PHF21B: variants seen among roughly 807,000 people sequenced by gnomAD.
PHF21B encodes the protein PHD finger protein 21B, also known as PHD finger protein 4.
PHF21B carries 22 observed loss-of-function variants against 62.2 expected under a neutral mutation model. That is an observed-to-expected ratio of 0.35 (90% CI 0.25 to 0.51). The LOEUF is 0.51. PHF21B is among the 20% of genes least tolerant of loss of function. PHF21B has a pLI of 0.97. For missense variants in PHF21B, 701 were observed against 707.9 expected, an observed-to-expected ratio of 0.99 and a Z score of 0.11; for synonymous variants, 341 against 314.7, an observed-to-expected ratio of 1.08 and a Z score of -0.88.
At chr22:44,928,044 C>T (rs2071667042) in intron 2 of PHF21B, among the ~76,000 whole-genome samples, 1 of 152,166 alleles carries the variant, frequency 6.6e-6, no homozygotes, top group African/African-American at 2.4e-5. Flanking sequence ...GCAGACCCTA[C>T]AACCTTCCAG....
At chr22:44,903,467 A>G (rs2071196473) in intron 5 of PHF21B, among the ~76,000 whole-genome samples, 1 of 151,306 alleles carries the variant, frequency 6.6e-6, no homozygotes, top group Non-Finnish European at 1.5e-5. Context: ...GAAATCCACA[A>G]AATGAAGAAA....
At chr22:44,993,523 A>T (rs1601689561) in intron 2 of PHF21B, among the ~76,000 whole-genome samples, 1 of 152,256 alleles carries the variant, frequency 6.6e-6, no homozygotes, top group African/African-American at 2.4e-5. Flanking sequence ...GGCCACAGCC[A>T]AGAACAGCGA....
At chr22:44,965,634 T>G (rs923686678) in intron 2 of PHF21B, among the ~76,000 whole-genome samples, 4 of 152,200 alleles carry the variant, frequency 2.6e-5, no homozygotes, top group Admixed American at 1.3e-4. Flanking sequence ...GCCCCCCAGG[T>G]GTTCTGGCTG....
chr22:44,901,671 C>A, intron 5 of PHF21B: 1 of 524,154 alleles, frequency 1.9e-6, no homozygotes, highest in Non-Finnish European at 3.0e-6. Context: ...AAAGGGGGAA[C>A]CTCAAAGCTA....
intron 2 of PHF21B, among the ~76,000 whole-genome samples, chr22:44,978,260 C>A (rs1370916673): frequency 1.3e-5 from 2 of 152,178 alleles, no homozygotes; most frequent in East Asian, 3.9e-4. Flanking sequence ...CAGCAGCACT[C>A]CTCACACCCA....
At chr22:45,004,306 C>T (rs2073273856) in intron 2 of PHF21B, among the ~76,000 whole-genome samples, 1 of 151,892 alleles carries the variant, frequency 6.6e-6, no homozygotes, top group Non-Finnish European at 1.5e-5. Context: ...TCACAATCTT[C>T]CAGGTAAGAG....
chr22:44,936,415 C>T (rs909332805), intron 2 of PHF21B, among the ~76,000 whole-genome samples: 29 of 152,288 alleles, frequency 1.9e-4, no homozygotes, highest in Middle Eastern at 3.4e-3. Context: ...CCCTGTATAC[C>T]GGCAGCCCTG....
At chr22:44,990,991 C>A (rs553119411) in intron 2 of PHF21B, among the ~76,000 whole-genome samples, 1 of 152,338 alleles carries the variant, frequency 6.6e-6, no homozygotes, top group Admixed American at 6.5e-5. Context: ...GCTGCCGCGG[C>A]TCCTCCACAC....
At chr22:44,998,550 C>T (rs2073159001) in intron 2 of PHF21B, among the ~76,000 whole-genome samples, 1 of 152,090 alleles carries the variant, frequency 6.6e-6, no homozygotes, top group Admixed American at 6.6e-5. Flanking sequence ...ACATCCTATG[C>T]TTTTAGCTTC....
intron 2 of PHF21B, among the ~76,000 whole-genome samples, chr22:44,936,843 CA>C (rs1345046081): frequency 4.7e-5 from 7 of 148,422 alleles, no homozygotes; most frequent in African/African-American, 1.7e-4. Context: ...TAATTTAAGA[CA>C]AAAGTTGTGG....
At chr22:44,929,088 C>T (rs148766436) in intron 2 of PHF21B, among the ~76,000 whole-genome samples, 3 of 152,366 alleles carry the variant, frequency 2.0e-5, no homozygotes, top group South Asian at 2.1e-4. Context: ...AATTGCTTCT[C>T]GAGTTGCAAT....
Position 44,882,813 on chromosome 22 carries a change from C to T in PHF21B, c.*273G>A, listed in dbSNP as rs3747222. 0.068 allele frequency: 27,693 copies of T among 407,918 alleles called. 3,553 individuals are homozygous for T. Among genetic ancestry groups the T allele is most frequent in the African/African-American group, 0.32 (15,379 of 48,562 alleles). The allele number at this position is 407,918 out of a possible 1,614,324, so 25.3% of individuals were successfully genotyped here. ...GCCTGGAAGCCAGAGGCCCAGGCAGCCCCGAGGTGGCCGGGGGGAGACTGT... is the reference window on the plus strand; with the variant it reads ...GCCTGGAAGCCAGAGGCCCAGGCAGTCCCGAGGTGGCCGGGGGGAGACTGT... On this transcript the variant is annotated 3_prime_UTR_variant, in exon 13 of 13. Transcript: ENST00000313237.
At chr22:44,903,090 A>T (rs898689328) in intron 5 of PHF21B, among the ~76,000 whole-genome samples, 1 of 152,224 alleles carries the variant, frequency 6.6e-6, no homozygotes, top group African/African-American at 2.4e-5. Flanking sequence ...TTGCAGGTGC[A>T]ATCCCTCCAG....
intron 2 of PHF21B, among the ~76,000 whole-genome samples, chr22:45,006,296 T>A (rs564960468): frequency 6.6e-6 from 1 of 152,354 alleles, no homozygotes; most frequent in African/African-American, 2.4e-5. Flanking sequence ...TACCCAATGT[T>A]GTTTAGTCAT....
chr22:44,999,595 G>A (rs1352819325), intron 2 of PHF21B, among the ~76,000 whole-genome samples: 1 of 152,112 alleles, frequency 6.6e-6, no homozygotes, highest in Non-Finnish European at 1.5e-5. Flanking sequence ...CTCCAACATC[G>A]TAACTCCACT....
At chr22:45,004,762 G>A (rs929253772) in intron 2 of PHF21B, among the ~76,000 whole-genome samples, 1 of 152,224 alleles carries the variant, frequency 6.6e-6, no homozygotes, top group Admixed American at 6.5e-5. Flanking sequence ...CAGCTGGTAA[G>A]TCATGGTGAA....
At chr22:44,937,053 G>A (rs1046881752) in intron 2 of PHF21B, among the ~76,000 whole-genome samples, 1 of 151,864 alleles carries the variant, frequency 6.6e-6, no homozygotes, top group East Asian at 1.9e-4. Context: ...TTTAGTAGAG[G>A]TGAGGTTTCA....
intron 2 of PHF21B, among the ~76,000 whole-genome samples, chr22:44,992,593 C>T (rs531685248): frequency 1.1e-4 from 16 of 152,368 alleles, no homozygotes; most frequent in East Asian, 3.9e-4. Context: ...TGCGCGTGCA[C>T]GTGTGGGTGG....
At chr22:44,887,915 G>C (rs1399477206) in intron 10 of PHF21B, 48 bp downstream of exon 10, 2 of 1,388,630 alleles carry the variant, frequency 1.4e-6, no homozygotes, top group African/African-American at 2.9e-5. Flanking sequence ...CCTACGGTGG[G>C]GACCTCCATG....
Sources: gnomAD v4.1 joint callset for allele counts (sites outside exome capture counted in the v4.1 genomes callset) on GRCh38, gnomAD v4.1.1 for gene constraint, MANE v1.5 for transcripts, NCBI Gene and HGNC (gene_info 2026-07-23, HGNC 2026-07-21) for gene names.